Variants in LMNTD1 observed in about 807,000 individuals in gnomAD.
The protein encoded by LMNTD1 is lamin tail domain-containing protein 1.
LMNTD1 carries 35 observed loss-of-function variants against 50.9 expected under a neutral mutation model. That is an observed-to-expected ratio of 0.69 (90% CI 0.53 to 0.91). The LOEUF is 0.91. Ranked by LOEUF, LMNTD1 falls within the 40% of genes least tolerant of loss-of-function variation. The pLI is 0.00. For synonymous variants in LMNTD1, 153 were observed against 161.9 expected (o/e 0.94, Z 0.42); for missense variants, 470 against 475.5 (o/e 0.99, Z 0.11).
At chr12:25,485,492 A>C (rs1938596218) in intron 9 of LMNTD1, among the ~76,000 whole-genome samples, 1 of 90,994 alleles carries the variant, frequency 1.1e-5, no homozygotes. Flanking sequence ...TTTGCTGTGC[A>C]GAAGCTCTTT....
At chr12:25,532,234 A>T (rs776778742) in intron 4 of LMNTD1, among the ~76,000 whole-genome samples, 39 of 152,110 alleles carry the variant, frequency 2.6e-4, no homozygotes, top group Non-Finnish European at 5.1e-4. Flanking sequence ...AAGGTTCTGT[A>T]TATTTTTTCA....
At chr12:25,492,074 T>C (rs41366244) in intron 9 of LMNTD1, among the ~76,000 whole-genome samples, 2,323 of 152,320 alleles carry the variant, frequency 0.015, 62 homozygotes, top group African/African-American at 0.054. Context: ...GTAAGAGTCA[T>C]TGTGGGATCT....
At chr12:25,594,649 T>TAAAAAAAAAAA (rs1754233631) in intron 1 of LMNTD1, among the ~76,000 whole-genome samples, 1 of 15,396 alleles carries the variant, frequency 6.5e-5, no homozygotes, top group Non-Finnish European at 1.3e-4. Flanking sequence ...AAAACAGAAA[T>TAAAAAAAAAAA]ACAAAAAAAA....
chr12:25,496,092 G>A (rs1555208332), intron 9 of LMNTD1, among the ~76,000 whole-genome samples: 2 of 152,126 alleles, frequency 1.3e-5, no homozygotes, highest in Non-Finnish European at 2.9e-5. Flanking sequence ...TTGGATCCAG[G>A]AAACCTCTGT....
chr12:25,602,953 G>A (rs576830836), intron 1 of LMNTD1, among the ~76,000 whole-genome samples: 28 of 152,038 alleles, frequency 1.8e-4, no homozygotes, highest in Admixed American at 4.6e-4. Flanking sequence ...AAAACATCTG[G>A]AGTATTGCCA....
intron 8 of LMNTD1, among the ~76,000 whole-genome samples, chr12:25,506,115 A>G (rs1021028221): frequency 3.3e-5 from 5 of 152,354 alleles, no homozygotes; most frequent in African/African-American, 1.2e-4. Context: ...TAATGAGCCC[A>G]CAGTCCAGCT....
At chr12:25,482,478 A>T (rs1018390018) in intron 9 of LMNTD1, among the ~76,000 whole-genome samples, 1 of 152,036 alleles carries the variant, frequency 6.6e-6, no homozygotes, top group Non-Finnish European at 1.5e-5. Flanking sequence ...ATTAATACAG[A>T]TCTGTTGACC....
chr12:25,641,378 A>C (rs547728076), intron 1 of LMNTD1, among the ~76,000 whole-genome samples: 379 of 152,326 alleles, frequency 2.5e-3, no homozygotes, highest in Non-Finnish European at 3.7e-3. Context: ...AGTAAGCTAC[A>C]TGCCATGGAA....
chr12:25,521,219 A>G (rs185627419), intron 6 of LMNTD1, among the ~76,000 whole-genome samples: 18 of 152,102 alleles, frequency 1.2e-4, no homozygotes, highest in East Asian at 7.7e-4. Flanking sequence ...TTAGCTTGAC[A>G]TACTCCATGC....
chr12:25,547,331 G>A (rs890010523), intron 3 of LMNTD1: 2 of 209,216 alleles, frequency 9.6e-6, no homozygotes, highest in African/African-American at 4.7e-5. Context: ...CGTGATGTAA[G>A]TTTTCCAAGT....
intron 1 of LMNTD1, among the ~76,000 whole-genome samples, chr12:25,635,103 C>T (rs7977397): frequency 1.3e-5 from 2 of 151,682 alleles, no homozygotes; most frequent in Admixed American, 6.6e-5. Context: ...AGCCGGGCAT[C>T]GTGGCACATG....
chr12:25,566,983 G>A (rs1944582713), intron 1 of LMNTD1, among the ~76,000 whole-genome samples: 1 of 152,178 alleles, frequency 6.6e-6, no homozygotes, highest in Admixed American at 6.5e-5. Context: ...AGGATACTAA[G>A]GCCCTGAGGT....
intron 1 of LMNTD1, among the ~76,000 whole-genome samples, chr12:25,632,805 C>T (rs180881820): frequency 2.0e-4 from 31 of 152,174 alleles, no homozygotes; most frequent in African/African-American, 5.8e-4. Flanking sequence ...ATGAATGCAA[C>T]GGTACCTCAT....
At chr12:25,610,308 T>C (rs936541836) in intron 1 of LMNTD1, among the ~76,000 whole-genome samples, 3 of 152,116 alleles carry the variant, frequency 2.0e-5, no homozygotes, top group Non-Finnish European at 4.4e-5. Flanking sequence ...TGAGGCAATA[T>C]CCCGTCCTGC....
At chr12:25,528,671 T>G (rs185759) in intron 4 of LMNTD1, among the ~76,000 whole-genome samples, 91,312 of 152,002 alleles carry the variant, frequency 0.6, 29,264 homozygotes, top group Non-Finnish European at 0.71. Flanking sequence ...AAACAGACTC[T>G]CCTACAGCTG....
intron 8 of LMNTD1, among the ~76,000 whole-genome samples, chr12:25,514,097 A>T (rs866449759): frequency 6.6e-6 from 1 of 152,200 alleles, no homozygotes; most frequent in Non-Finnish European, 1.5e-5. Context: ...AGAAAAGCCA[A>T]ATCACACTGA....
intron 4 of LMNTD1, among the ~76,000 whole-genome samples, chr12:25,534,253 C>T (rs991032993): frequency 2.0e-5 from 3 of 152,130 alleles, no homozygotes; most frequent in Admixed American, 6.5e-5. Context: ...TGAGAATCAG[C>T]TTCTGTTTCC....
chr12:25,519,619 C>T (rs1591884593), intron 7 of LMNTD1, among the ~76,000 whole-genome samples: 1 of 109,840 alleles, frequency 9.1e-6, no homozygotes, highest in East Asian at 3.8e-4. Flanking sequence ...GTGAAATGGC[C>T]AGAGGGGTCT....
chr12:25,619,758 A>G (rs947299495), intron 1 of LMNTD1, among the ~76,000 whole-genome samples: 1 of 152,202 alleles, frequency 6.6e-6, no homozygotes, highest in Non-Finnish European at 1.5e-5. Context: ...TTCTCTGCTC[A>G]TCCCCCAGGG....
Sources: gnomAD v4.1 joint callset for allele counts (sites outside exome capture counted in the v4.1 genomes callset) on GRCh38, gnomAD v4.1.1 for gene constraint, MANE v1.5 for transcripts, NCBI Gene and HGNC (gene_info 2026-07-23, HGNC 2026-07-21) for gene names.